Variants in ROBO2 observed in about 807,000 individuals in gnomAD.
ROBO2 encodes roundabout guidance receptor 2.
A neutral mutation model predicts 160.8 loss-of-function variants in ROBO2; 53 were observed. The observed-to-expected ratio is 0.33, with a 90% CI of 0.26 to 0.41. The LOEUF (loss-of-function observed/expected upper bound fraction) is 0.41, where lower values mean the gene tolerates loss of function less well. ROBO2 is among the 10% of genes least tolerant of loss of function. The probability of loss-of-function intolerance (pLI) is 1.00; values close to 1 mark genes in which losing one functional copy is unlikely to be tolerated. For synonymous variants in ROBO2, 664 were observed against 611.7 expected (o/e 1.09, Z -1.26); for missense variants, 1,577 against 1,722.4 (o/e 0.92, Z 1.49).
chr3:77,619,050 C>A (rs1412334487), intron 22 of ROBO2, among the ~76,000 whole-genome samples: 2 of 152,064 alleles, frequency 1.3e-5, no homozygotes, highest in Non-Finnish European at 2.9e-5. Context: ...TATATTGGTA[C>A]CTGGGCTCCA....
intron 21 of ROBO2, among the ~76,000 whole-genome samples, chr3:77,613,195 T>C (rs1035536751): frequency 6.6e-6 from 1 of 152,032 alleles, no homozygotes; most frequent in Non-Finnish European, 1.5e-5. Context: ...ATAACACATA[T>C]TTCTTCTAAT....
chr3:77,499,620 C>T (rs916358867), intron 5 of ROBO2, among the ~76,000 whole-genome samples: 1 of 148,854 alleles, frequency 6.7e-6, no homozygotes, highest in Admixed American at 6.7e-5. Flanking sequence ...GAAACATATA[C>T]AATATTATTT....
At chr3:77,352,570 A>G (rs2068505304) in intron 2 of ROBO2, among the ~76,000 whole-genome samples, 1 of 134,108 alleles carries the variant, frequency 7.5e-6, no homozygotes, top group African/African-American at 2.7e-5. Context: ...AGAAATTAGA[A>G]CATGATTTTT....
intron 2 of ROBO2, among the ~76,000 whole-genome samples, chr3:76,088,356 T>C (rs1034329956): frequency 7.2e-5 from 11 of 151,996 alleles, no homozygotes; most frequent in African/African-American, 2.4e-4. Flanking sequence ...TGTACAGCAT[T>C]AACAAATCAT....
chr3:77,303,515 T>C (rs2062829185), intron 2 of ROBO2, among the ~76,000 whole-genome samples: 1 of 152,176 alleles, frequency 6.6e-6, no homozygotes, highest in Non-Finnish European at 1.5e-5. Flanking sequence ...TAAGAGCATC[T>C]ACTGTGTGGA....
intron 2 of ROBO2, among the ~76,000 whole-genome samples, chr3:76,446,418 G>A (rs1161552074): frequency 1.3e-5 from 2 of 152,102 alleles, no homozygotes; most frequent in South Asian, 4.1e-4. Flanking sequence ...AGAACATTCT[G>A]TGCTCATGGA....
At chr3:76,382,803 T>G (rs1205850075) in intron 2 of ROBO2, among the ~76,000 whole-genome samples, 1 of 152,234 alleles carries the variant, frequency 6.6e-6, no homozygotes, top group Middle Eastern at 3.4e-3. Context: ...CACTCCTAAC[T>G]GTAGATGTTA....
At chr3:76,546,536 T>A (rs2108297142) in intron 2 of ROBO2, among the ~76,000 whole-genome samples, 1 of 151,970 alleles carries the variant, frequency 6.6e-6, no homozygotes, top group South Asian at 2.1e-4. Flanking sequence ...ATGTGATCCT[T>A]AGGGAAGAAG....
At chr3:77,006,015 T>C (rs534485540) in intron 2 of ROBO2, among the ~76,000 whole-genome samples, 1 of 151,794 alleles carries the variant, frequency 6.6e-6, no homozygotes, top group South Asian at 2.1e-4. Context: ...AAGTTAGTCT[T>C]ATTTGAGCTT....
At chr3:76,876,462 G>A (rs755837714) in intron 2 of ROBO2, among the ~76,000 whole-genome samples, 2 of 152,078 alleles carry the variant, frequency 1.3e-5, no homozygotes, top group Non-Finnish European at 2.9e-5. Flanking sequence ...ATCACCTGAG[G>A]TCAGCAGTTT....
intron 2 of ROBO2, among the ~76,000 whole-genome samples, chr3:76,647,792 A>G (rs1382380020): frequency 3.9e-5 from 6 of 152,172 alleles, no homozygotes; most frequent in African/African-American, 1.4e-4. Flanking sequence ...GGAAAAAAAA[A>G]TGGGGGAAAG....
intron 2 of ROBO2, among the ~76,000 whole-genome samples, chr3:76,492,726 G>A (rs2079904196): frequency 6.6e-6 from 1 of 151,750 alleles, no homozygotes; most frequent in African/African-American, 2.4e-5. Context: ...TTTTTTTAGA[G>A]TAAATGGAGG....
At chr3:76,922,680 G>T (rs897704588) in intron 2 of ROBO2, among the ~76,000 whole-genome samples, 1 of 152,094 alleles carries the variant, frequency 6.6e-6, no homozygotes, top group Non-Finnish European at 1.5e-5. Context: ...CACTTGTCTC[G>T]GCATCTCACA....
At chr3:75,991,169 A>G (rs1224320401) in intron 2 of ROBO2, among the ~76,000 whole-genome samples, 1 of 152,094 alleles carries the variant, frequency 6.6e-6, no homozygotes, top group Admixed American at 6.5e-5. Flanking sequence ...CTATGTGTGT[A>G]TGTATGTATG....
At chr3:76,348,483 A>G (rs758197530) in intron 2 of ROBO2, among the ~76,000 whole-genome samples, 17 of 152,156 alleles carry the variant, frequency 1.1e-4, no homozygotes, top group Non-Finnish European at 2.4e-4. Context: ...GAAGACCTCT[A>G]CTAATGGAAA....
At chr3:76,470,387 G>A (rs1052134364) in intron 2 of ROBO2, among the ~76,000 whole-genome samples, 2 of 152,074 alleles carry the variant, frequency 1.3e-5, no homozygotes, top group Admixed American at 6.6e-5. Flanking sequence ...TCCTTTACAG[G>A]GTTGCAGTTA....
At chr3:77,564,668 C>T (rs2093427749) in intron 11 of ROBO2, 2 of 505,794 alleles carry the variant, frequency 4.0e-6, no homozygotes, top group Non-Finnish European at 7.2e-6. Flanking sequence ...GTTCCTTTTA[C>T]AGGTATTCAT....
chr3:77,327,098 G>A (rs114357662), intron 2 of ROBO2, among the ~76,000 whole-genome samples: 3,387 of 152,154 alleles, frequency 0.022, 158 homozygotes, highest in African/African-American at 0.077. Flanking sequence ...TTTAGAACTC[G>A]GGATAGAATT....
At chr3:77,260,111 T>C (rs1441954) in intron 2 of ROBO2, among the ~76,000 whole-genome samples, 122,509 of 152,020 alleles carry the variant, frequency 0.81, 49,946 homozygotes, top group East Asian at 0.95. Context: ...CAATGTCTGA[T>C]GAAAGTAATA....
Sources: allele counts gnomAD v4.1 joint callset (sites outside exome capture counted in the v4.1 genomes callset), GRCh38; gene constraint gnomAD v4.1.1; transcripts MANE v1.5; gene names NCBI Gene and HGNC (gene_info 2026-07-23, HGNC 2026-07-21).